The following KRT222 variants were observed in gnomAD, a reference collection of about 807,000 sequenced individuals.
The protein encoded by KRT222 is keratin-like protein KRT222.
A neutral mutation model predicts 35.0 loss-of-function variants in KRT222; 23 were observed. That is an observed-to-expected ratio of 0.66 (90% CI 0.47 to 0.93). KRT222 has a LOEUF of 0.93. Ranked by LOEUF, KRT222 falls within the 40% of genes least tolerant of loss-of-function variation. The pLI is 0.00. For missense variants in KRT222, 339 were observed against 346.3 expected (o/e 0.98, Z 0.17); for synonymous variants, 108 against 118.8 (o/e 0.91, Z 0.59).
At position 40,657,499 on chromosome 17, in the gene KRT222, T is replaced by A; in HGVS notation, c.524-12A>T. 6.4e-7 allele frequency: 1 copy of A among 1,567,406 alleles called. No individual in the cohort carries two copies. The highest frequency in any genetic ancestry group is 1.1e-5 in the South Asian group (1 of 87,572). On this transcript the variant is annotated splice_polypyrimidine_tract_variant and intron_variant, in intron 4 of 5. Transcript: ENST00000394052. Reference sequence around the variant, plus strand: ...TTCATTTATAATGGCTGTGAAAATATCATTTATGATATATTAAATTACAGT... The same window carrying A: ...TTCATTTATAATGGCTGTGAAAATAACATTTATGATATATTAAATTACAGT...
intron 2 of KRT222, 69 bp from the exon 3 acceptor site, chr17:40,660,276 A>C: frequency 8.1e-7 from 1 of 1,227,286 alleles, no homozygotes; most frequent in Non-Finnish European, 1.2e-6. Context: ...GATTTGCAAT[A>C]TCTTCATCTT....
rs1354673453 is a variant in KRT222 at position 40,655,798 on chromosome 17, T to G, written c.*604A>C. Reference sequence around the variant, plus strand: ...CTCAAATTAGCCCTGGGGTGTGTTCTATAGTTTGCTCAGAATTTCTCATGG... The same window carrying G: ...CTCAAATTAGCCCTGGGGTGTGTTCGATAGTTTGCTCAGAATTTCTCATGG... On this transcript the variant is annotated 3_prime_UTR_variant, in exon 6 of 6. Transcript: ENST00000394052. 7 of 152,212 alleles carry G rather than the reference T, an allele frequency of 4.6e-5. No individual in the cohort carries two copies. The highest frequency in any genetic ancestry group is 1.0e-4 in the Non-Finnish European group (7 of 68,020). 9.4% of individuals were successfully genotyped at this position (152,212 alleles called of 1,614,324 possible).
intron 2 of KRT222, among the ~76,000 whole-genome samples, 182 bp downstream of exon 2, chr17:40,661,734 T>G (rs2037385072): frequency 6.6e-6 from 1 of 152,188 alleles, no homozygotes; most frequent in Non-Finnish European, 1.5e-5. Flanking sequence ...TTGAGTGAGT[T>G]GGTAACAGCC....
rs978250911 is a variant in KRT222 at position 40,655,688 on chromosome 17, T to C, written c.*714A>G. 3.3e-5 allele frequency: 5 copies of C among 152,182 alleles called. No individual in the cohort carries two copies. Among genetic ancestry groups the C allele is most frequent in the African/African-American group, 7.2e-5 (3 of 41,550 alleles). The allele number at this position is 152,182 out of a possible 1,614,324, so 9.4% of individuals were successfully genotyped here. On this transcript the variant is annotated 3_prime_UTR_variant, in exon 6 of 6. Transcript: ENST00000394052. ...GGGGGATACAACCTTTAAAGTTCCT[T>C]GAGTAAAGTAAATCTTCCGGAAATC...
chr17:40,661,289 CAG>C (rs2037382315), intron 2 of KRT222, among the ~76,000 whole-genome samples: 1 of 142,840 alleles, frequency 7.0e-6, no homozygotes, highest in Non-Finnish European at 1.5e-5. Flanking sequence ...TTTCTGGAGA[CAG>C]AGTCTCGCTC....
At chr17:40,657,783 A>G (rs1369311208) in intron 3 of KRT222, 33 bp from the exon 4 acceptor site, 4 of 1,387,494 alleles carry the variant, frequency 2.9e-6, no homozygotes, top group Admixed American at 3.5e-5. Flanking sequence ...TTTAAGAGCA[A>G]CACTGTATCA....
chr17:40,657,925 G>A (rs1459563827), intron 3 of KRT222, among the ~76,000 whole-genome samples, 175 bp from the exon 4 acceptor site: 1 of 152,030 alleles, frequency 6.6e-6, no homozygotes, highest in Non-Finnish European at 1.5e-5. Flanking sequence ...ATAATATTGA[G>A]TGAAAAAAGA....
At chr17:40,662,458 C>G (rs984236060) in intron 1 of KRT222, among the ~76,000 whole-genome samples, 1 of 152,298 alleles carries the variant, frequency 6.6e-6, no homozygotes, top group African/African-American at 2.4e-5. Context: ...AGCAGATAAA[C>G]AGCCGTACCC....
Position 40,655,209 on chromosome 17 carries a change from A to T in KRT222, c.*1193T>A, listed in dbSNP as rs2037336633. 6.6e-6 allele frequency: 1 copy of T among 151,348 alleles called. No homozygotes were observed. Among genetic ancestry groups the T allele is most frequent in the Non-Finnish European group, 1.5e-5 (1 of 67,766 alleles). The allele number at this position is 151,348 out of a possible 1,614,324, so 9.4% of individuals were successfully genotyped here. ...GCTGGGAAAAAGTATGGTGAGTTGT[A>T]CTCAGCTACTTTTTCTGCTTAGAAA... On this transcript the variant is annotated 3_prime_UTR_variant, in exon 6 of 6. Coordinates refer to ENST00000394052, the MANE Select transcript of KRT222 (RefSeq NM_152349.3).
intron 1 of KRT222, among the ~76,000 whole-genome samples, chr17:40,662,519 G>A (rs991159996): frequency 2.7e-4 from 41 of 152,280 alleles, no homozygotes; most frequent in Admixed American, 9.2e-4. Flanking sequence ...CGTAAATACT[G>A]CTAGGAAATA....
At position 40,661,462 on chromosome 17, in the gene KRT222, C is replaced by T. The variant is rs151268763; in HGVS notation, c.225+454G>A. On this transcript the variant is annotated intron_variant, in intron 2 of 5. Transcript: ENST00000394052. Reference sequence around the variant, plus strand: ...TTTGTATTTAATAGAGATGGGGTTTCATCATGTTGCTCAGGCTGGTCTCAA... The same window carrying T: ...TTTGTATTTAATAGAGATGGGGTTTTATCATGTTGCTCAGGCTGGTCTCAA... Among the ~76,000 whole-genome samples the T allele has an allele frequency of 8.4e-3, 1,276 of 152,062 alleles. 11 individuals carry two copies. Among genetic ancestry groups the T allele is most frequent in the Middle Eastern group, 0.017 (5 of 292 alleles).
Position 40,656,356 on chromosome 17 carries a change from T to C in KRT222, c.*46A>G. On this transcript the variant is annotated 3_prime_UTR_variant, in exon 6 of 6. Transcript: ENST00000394052. ...CAGAGGGAGTTGGTATGGCCCACCTTGGTCCATCCTAACATTTTCCAATCA... is the reference window on the plus strand; with the variant it reads ...CAGAGGGAGTTGGTATGGCCCACCTCGGTCCATCCTAACATTTTCCAATCA... 3 of 1,445,372 alleles carry C rather than the reference T, an allele frequency of 2.1e-6. No individual in the cohort carries two copies. Among genetic ancestry groups the C allele is most frequent in the Non-Finnish European group, 2.9e-6 (3 of 1,027,314 alleles). The allele number at this position is 1,445,372 out of a possible 1,614,324, so 89.5% of individuals were successfully genotyped here. A position where few individuals can be genotyped will look rare whatever the true frequency, so the allele number is the denominator to read the frequency against.
At chr17:40,662,495 G>A (rs2037389954) in intron 1 of KRT222, among the ~76,000 whole-genome samples, 1 of 152,164 alleles carries the variant, frequency 6.6e-6, no homozygotes, top group African/African-American at 2.4e-5. Context: ...CTGGGACCAG[G>A]TATAGGGATA....
intron 3 of KRT222, among the ~76,000 whole-genome samples, chr17:40,658,244 T>G (rs1044334897): frequency 6.6e-6 from 1 of 152,112 alleles, no homozygotes; most frequent in Non-Finnish European, 1.5e-5. Context: ...AAGTGTAGCC[T>G]AATTTTTTTA....
At position 40,657,419 on chromosome 17, in the gene KRT222, C is replaced by G. The variant is rs559290543; in HGVS notation, c.592G>C (p.Val198Leu). 2 of 1,610,944 alleles carry G rather than the reference C, an allele frequency of 1.2e-6. No homozygotes were observed. The highest frequency in any genetic ancestry group is 2.7e-5 in the African/African-American group (2 of 74,976). ...QKYENENVET[V>L]TKQAILNGSI... The stretch of plus-strand genomic sequence containing the variant: ...CCATTTAAGATTGCCTGTTTGGTTA[C>G]TGTTTCTACATTTTCATTCTCATAC... Residue 198 changes from valine (V) to leucine (L), a missense_variant, in exon 5 of 6, where the codon GTA (valine) becomes CTA (leucine). Transcript: ENST00000394052.
At chr17:40,664,958 A>G (rs377262653) in intron 1 of KRT222, 46 bp downstream of exon 1, 1 of 1,612,702 alleles carries the variant, frequency 6.2e-7, no homozygotes, top group African/African-American at 1.3e-5. Context: ...GTAGACATGG[A>G]CTGTCTCCTT....
At chr17:40,656,850 A>G (rs544143215) in intron 5 of KRT222, among the ~76,000 whole-genome samples, 1 of 152,276 alleles carries the variant, frequency 6.6e-6, no homozygotes, top group East Asian at 1.9e-4. Context: ...TATTTTTGGA[A>G]AAAAACGGCA....
intron 3 of KRT222, 115 bp from the exon 4 acceptor site, chr17:40,657,865 A>C (rs2037356465): frequency 2.9e-6 from 2 of 683,900 alleles, no homozygotes; most frequent in African/African-American, 3.6e-5. Flanking sequence ...TTTAACTGAA[A>C]AGAAATGAAC....
In KRT222 at chr17:40,656,516, A is replaced by C. The variant is rs747127687; in HGVS notation, c.774T>G (p.Thr258=). The C allele has an allele frequency of 1.9e-6, 3 of 1,613,056 alleles. No homozygotes were observed. Among genetic ancestry groups the C allele is most frequent in the African/African-American group, 2.7e-5 (2 of 74,916 alleles). ...SLRFDLHLAA[T]DEGCLETKQD... is the part of the protein sequence containing the mutation. ...GCTTAGTCTCTAAACACCCTTCATC[A>C]GTGGCTGCTAAATGAAGATCAAATC... The change falls in exon 6 of 6, where the codon ACT becomes ACG. Residue 258 remains threonine (T), a synonymous_variant. Transcript: ENST00000394052.
Sources: gnomAD v4.1 joint callset for allele counts (sites outside exome capture counted in the v4.1 genomes callset) on GRCh38, gnomAD v4.1.1 for gene constraint, MANE v1.5 for transcripts, NCBI Gene and HGNC (gene_info 2026-07-23, HGNC 2026-07-21) for gene names.